Variants in SETBP1 observed in about 807,000 individuals in gnomAD.
The protein encoded by SETBP1 is SET binding protein 1, also known as SET-binding protein.
In SETBP1, 9 loss-of-function variants were observed where a neutral mutation model predicts 101.0. The ratio of observed to expected loss-of-function variants is 0.09; its 90% confidence interval spans 0.05 to 0.16. The LOEUF is 0.16. Among genes scored for constraint, SETBP1 ranks in the 10% least tolerant of loss-of-function variants. The probability of loss-of-function intolerance (pLI) is 1.00; values close to 1 mark genes in which losing one functional copy is unlikely to be tolerated. For synonymous variants in SETBP1, 818 were observed against 788.5 expected, an observed-to-expected ratio of 1.04 and a Z score of -0.63; for missense variants, 1,858 against 2,033.8, an observed-to-expected ratio of 0.91 and a Z score of 1.66.
intron 2 of SETBP1, among the ~76,000 whole-genome samples, chr18:44,750,298 G>A (rs568230337): frequency 5.6e-4 from 85 of 152,288 alleles, no homozygotes; most frequent in Middle Eastern, 3.4e-3. Flanking sequence ...TTTCTGGTTT[G>A]TGGATGGCTG....
intron 2 of SETBP1, among the ~76,000 whole-genome samples, chr18:44,861,283 G>A (rs1329703117): frequency 8.0e-6 from 1 of 125,032 alleles, no homozygotes; most frequent in Non-Finnish European, 1.6e-5. Flanking sequence ...CTGTCACCCC[G>A]GCTGGAGTGC....
chr18:44,897,179 C>T (rs936365401), intron 3 of SETBP1, among the ~76,000 whole-genome samples: 1 of 152,194 alleles, frequency 6.6e-6, no homozygotes, highest in Non-Finnish European at 1.5e-5. Flanking sequence ...TCTGCGGGGT[C>T]CTTTGGGGGC....
At chr18:44,966,863 C>T (rs573055583) in intron 4 of SETBP1, among the ~76,000 whole-genome samples, 4 of 152,120 alleles carry the variant, frequency 2.6e-5, no homozygotes, top group South Asian at 2.1e-4. Context: ...TTTCCTAGCC[C>T]GAAAAATGAA....
At chr18:44,866,689 G>A (rs964665020) in intron 2 of SETBP1, among the ~76,000 whole-genome samples, 3 of 152,186 alleles carry the variant, frequency 2.0e-5, no homozygotes, top group Non-Finnish European at 2.9e-5. Flanking sequence ...GTTGGTGGGC[G>A]TGTTCCTGCA....
At chr18:44,802,145 G>T (rs2071620273) in intron 2 of SETBP1, among the ~76,000 whole-genome samples, 1 of 152,148 alleles carries the variant, frequency 6.6e-6, no homozygotes, top group Non-Finnish European at 1.5e-5. Flanking sequence ...CAGAGCTGGT[G>T]CTTCCATCAT....
chr18:44,802,980 G>T (rs1180783054), intron 2 of SETBP1, among the ~76,000 whole-genome samples: 5 of 151,948 alleles, frequency 3.3e-5, no homozygotes, highest in Non-Finnish European at 7.4e-5. Context: ...GGGTCATTTG[G>T]GCCTGGGTGT....
chr18:44,741,991 A>G (rs994781541), intron 2 of SETBP1, among the ~76,000 whole-genome samples: 3 of 152,190 alleles, frequency 2.0e-5, no homozygotes, highest in Non-Finnish European at 2.9e-5. Flanking sequence ...AGGTGGGTGC[A>G]GCACGCACAG....
chr18:44,963,492 T>G (rs79341916), intron 4 of SETBP1, among the ~76,000 whole-genome samples: 8,083 of 152,184 alleles, frequency 0.053, 746 homozygotes, highest in African/African-American at 0.18. Flanking sequence ...TTTGCTAAAT[T>G]ACAAAACACT....
chr18:44,789,827 A>G (rs1378214856), intron 2 of SETBP1, among the ~76,000 whole-genome samples: 1 of 152,136 alleles, frequency 6.6e-6, no homozygotes, highest in African/African-American at 2.4e-5. Context: ...ACCAACCATG[A>G]CATGCCTGGT....
intron 2 of SETBP1, among the ~76,000 whole-genome samples, chr18:44,767,641 A>G (rs574918999): frequency 6.6e-6 from 1 of 152,320 alleles, no homozygotes; most frequent in East Asian, 1.9e-4. Context: ...CATGTTTGTG[A>G]TTAGGGTCAA....
chr18:45,017,964 G>A (rs989779468), intron 4 of SETBP1, among the ~76,000 whole-genome samples: 9 of 152,202 alleles, frequency 5.9e-5, no homozygotes, highest in African/African-American at 2.2e-4. Flanking sequence ...AGGGTGCAGA[G>A]GTCTGAGTTG....
At chr18:44,865,822 G>A (rs533071242) in intron 2 of SETBP1, among the ~76,000 whole-genome samples, 3 of 152,174 alleles carry the variant, frequency 2.0e-5, no homozygotes, top group Non-Finnish European at 2.9e-5. Flanking sequence ...TTTTCAGGAC[G>A]CATTGTGAGA....
chr18:44,710,158 T>C (rs2069307482), intron 2 of SETBP1, among the ~76,000 whole-genome samples: 1 of 152,094 alleles, frequency 6.6e-6, no homozygotes, highest in African/African-American at 2.4e-5. Flanking sequence ...AAACAATCCG[T>C]TTTTGCCTTT....
intron 3 of SETBP1, among the ~76,000 whole-genome samples, chr18:44,930,441 T>G (rs141851234): frequency 0.035 from 5,399 of 152,254 alleles, 293 homozygotes; most frequent in African/African-American, 0.12. Flanking sequence ...CAGGATGATG[T>G]TGGCCTCATA....
intron 3 of SETBP1, among the ~76,000 whole-genome samples, chr18:44,946,857 C>T (rs2083299983): frequency 6.6e-6 from 1 of 152,106 alleles, no homozygotes; most frequent in Admixed American, 6.5e-5. Flanking sequence ...TGATAGATGT[C>T]TTTATGGGAG....
intron 3 of SETBP1, among the ~76,000 whole-genome samples, chr18:44,896,347 T>C (rs953845065): frequency 3.9e-5 from 6 of 152,230 alleles, no homozygotes; most frequent in African/African-American, 1.4e-4. Context: ...GAAAACATTT[T>C]ATATTTTGCG....
chr18:44,946,652 T>A (rs1037519957), intron 3 of SETBP1, among the ~76,000 whole-genome samples: 7 of 152,248 alleles, frequency 4.6e-5, no homozygotes, highest in African/African-American at 1.7e-4. Context: ...TGTGCAGCTG[T>A]ATATTTTGCC....
intron 1 of SETBP1, among the ~76,000 whole-genome samples, chr18:44,690,041 G>A (rs987516381): frequency 2.6e-5 from 4 of 152,126 alleles, no homozygotes; most frequent in South Asian, 2.1e-4. Flanking sequence ...GGTCCTGTCC[G>A]CTACCAGCTC....
At chr18:44,780,282 C>A in intron 2 of SETBP1, among the ~76,000 whole-genome samples, 1 of 152,192 alleles carries the variant, frequency 6.6e-6, no homozygotes, top group Non-Finnish European at 1.5e-5. Context: ...TACAGCTGGG[C>A]TTTGAGGAGC....
Sources: gnomAD v4.1 joint callset for allele counts (sites outside exome capture counted in the v4.1 genomes callset) on GRCh38, gnomAD v4.1.1 for gene constraint, MANE v1.5 for transcripts, NCBI Gene and HGNC (gene_info 2026-07-23, HGNC 2026-07-21) for gene names.